ITGAD: variants seen among roughly 807,000 people sequenced by gnomAD.
ITGAD encodes the protein integrin alpha-D.
ITGAD carries 105 observed loss-of-function variants against 139.0 expected under a neutral mutation model. That is an observed-to-expected ratio of 0.76 (90% confidence interval 0.65 to 0.89). The LOEUF is 0.89. Ranked by LOEUF, ITGAD falls within the 40% of genes least tolerant of loss-of-function variation. The probability of loss-of-function intolerance (pLI) is 0.00; values close to 1 mark genes in which losing one functional copy is unlikely to be tolerated. For synonymous variants in ITGAD, 569 were observed against 598.3 expected (o/e 0.95, Z 0.71); for missense variants, 1,384 against 1,487.3 (o/e 0.93, Z 1.14).
intron 5 of ITGAD, among the ~76,000 whole-genome samples, chr16:31,400,695 C>T (rs2081381766): frequency 6.6e-6 from 1 of 152,142 alleles, no homozygotes; most frequent in Admixed American, 6.5e-5. Context: ...GCCTCCACCT[C>T]CCAGGTTCAA....
At chr16:31,394,110 A>C (rs2081203904) in intron 1 of ITGAD, 126 bp from the exon 2 acceptor site, 1 of 561,332 alleles carries the variant, frequency 1.8e-6, no homozygotes, top group Non-Finnish European at 3.1e-6. Flanking sequence ...CAGCCTCAGC[A>C]ACAGAGCGAG....
intron 2 of ITGAD, among the ~76,000 whole-genome samples, chr16:31,394,561 C>A (rs2081220112): frequency 1.3e-5 from 2 of 152,214 alleles, no homozygotes; most frequent in Non-Finnish European, 2.9e-5. Context: ...GGGAGGGAAG[C>A]CTTGAACCTG....
chr16:31,407,545 C>T lies in ITGAD; in HGVS notation c.735C>T (p.Ala245=), dbSNP rs1391736314. The T allele has an allele frequency of 6.2e-7, 1 of 1,604,404 alleles. No individual in the cohort carries two copies. Among genetic ancestry groups the T allele is most frequent in the South Asian group, 1.1e-5 (1 of 90,144 alleles). Residue 245 remains alanine (A), a synonymous_variant, in exon 8 of 30, where the codon GCC becomes GCT. Coordinates refer to ENST00000389202, the MANE Select transcript of ITGAD (RefSeq NM_005353.3). The part of the protein sequence containing the change: ...VTQLFHHKNG[A]RKSAKKILIV... ...AGCTATTTCATCATAAGAATGGGGC[C>T]CGAAAAAGTGCCAAGAAGATCCTCA...
intron 23 of ITGAD, among the ~76,000 whole-genome samples, chr16:31,418,972 C>T (rs563440257): frequency 1.7e-3 from 232 of 138,410 alleles, no homozygotes; most frequent in African/African-American, 6.0e-3. Context: ...TGCAGTGAGC[C>T]GAGATCATGC....
chr16:31,416,169 G>C, intron 18 of ITGAD, 44 bp from the exon 19 acceptor site: 1 of 1,490,494 alleles, frequency 6.7e-7, no homozygotes, highest in Non-Finnish European at 9.2e-7. Context: ...CTTGGAGAAA[G>C]ACTAAGATGT....
chr16:31,418,370 A>G lies in ITGAD; in HGVS notation c.2686A>G (p.Ser896Gly). 6.2e-7 allele frequency: 1 copy of G among 1,614,084 alleles called. No individual in the cohort carries two copies. Among genetic ancestry groups the G allele is most frequent in the South Asian group, 1.1e-5 (1 of 91,088 alleles). The change falls in exon 22 of 30, where the codon AGT becomes GGT. Residue 896 changes from serine to glycine, a missense_variant. By Grantham distance (56) the Ser-to-Gly change is moderately conservative. Coordinates refer to ENST00000389202, the MANE Select transcript of ITGAD (RefSeq NM_005353.3). ...TLGDRMLMRA[S>G]ASSENNKASS... ...GGGAGACAGGATGCTTATGAGGGCC[A>G]GTGCAAGCAGGTGGGTCCAGGCCAG...
Position 31,397,887 on chromosome 16 carries a change from G to A in ITGAD, c.405G>A (p.Gln135=). The A allele has an allele frequency of 6.2e-7, 1 of 1,612,906 alleles. No homozygotes were observed. The highest frequency in any genetic ancestry group is 8.5e-7 in the Non-Finnish European group (1 of 1,179,620). ...TGGGCTCGCGCTGGGAGATCATCCA[G>A]ACAGTCCCCGACGCCACGCCAGGTA... ...LLLGSRWEII[Q]TVPDATPECP... is the part of the protein sequence containing the mutation. Residue 135 remains glutamine, a synonymous_variant, in exon 5 of 30, where the codon CAG becomes CAA. Transcript: ENST00000389202.
intron 23 of ITGAD, among the ~76,000 whole-genome samples, chr16:31,420,085 A>G (rs1387024829): frequency 6.6e-6 from 1 of 152,180 alleles, no homozygotes; most frequent in African/African-American, 2.4e-5. Flanking sequence ...AAGCTGCTAC[A>G]TGGAGATCAA....
chr16:31,396,680 C>T (rs927164160), intron 2 of ITGAD, among the ~76,000 whole-genome samples: 1 of 152,216 alleles, frequency 6.6e-6, no homozygotes, highest in Non-Finnish European at 1.5e-5. Flanking sequence ...TGAAGCCTTG[C>T]TTGGCGCATT....
chr16:31,395,897 T>G (rs1437657514), intron 2 of ITGAD, among the ~76,000 whole-genome samples: 7 of 152,094 alleles, frequency 4.6e-5, no homozygotes, highest in Admixed American at 4.6e-4. Flanking sequence ...CCCTTCCTCA[T>G]GTGACTGGCA....
intron 2 of ITGAD, 72 bp from the exon 3 acceptor site, chr16:31,397,287 C>T: frequency 1.0e-6 from 1 of 994,070 alleles, no homozygotes; most frequent in South Asian, 1.5e-5. Context: ...AGGGACACTT[C>T]CTCACCCCCA....
intron 7 of ITGAD, among the ~76,000 whole-genome samples, chr16:31,406,068 GTTACTT>G (rs1008780982): frequency 6.6e-6 from 1 of 150,390 alleles, no homozygotes; most frequent in African/African-American, 2.4e-5. Flanking sequence ...TGAGCAGGTA[GTTACTT>G]TTTTTTTTCT....
rs1205569941 is a variant in ITGAD, at chr16:31,397,669, G to A, written c.312+3G>A. The stretch of plus-strand genomic sequence containing the variant: ...CCACCAACGGCTCCCGGCTCCTGGT[G>A]AGTGAGTGTCTTGGGCCACGGGGGG... On this transcript the variant is annotated splice_donor_region_variant and intron_variant, in intron 4 of 29. Transcript: ENST00000389202. The A allele has an allele frequency of 6.6e-7, 1 of 1,517,394 alleles. No homozygotes were observed. Among genetic ancestry groups the A allele is most frequent in the Non-Finnish European group, 9.0e-7 (1 of 1,110,994 alleles). 94.0% of individuals were successfully genotyped at this position (1,517,394 alleles called of 1,614,324 possible).
In ITGAD at chr16:31,426,345, C is replaced by T; in HGVS notation, c.*217C>T. 2.0e-6 allele frequency: 1 copy of T among 495,780 alleles called. No homozygotes were observed. The highest frequency in any genetic ancestry group is 3.5e-5 in the East Asian group (1 of 28,420). 30.7% of individuals were successfully genotyped at this position (495,780 alleles called of 1,614,324 possible). ...ACTTTTTACAGAAGCAGGCATGGTG[C>T]CAGCATAAATTTTCATATGCTTAAG... is the stretch of plus-strand genomic sequence containing the variant. On this transcript the variant is annotated 3_prime_UTR_variant, in exon 30 of 30. Coordinates refer to ENST00000389202, the MANE Select transcript of ITGAD (RefSeq NM_005353.3).
At chr16:31,410,907 G>A (rs1423357485) in intron 12 of ITGAD, 29 bp downstream of exon 12, 2 of 1,263,956 alleles carry the variant, frequency 1.6e-6, no homozygotes, top group Non-Finnish European at 1.1e-6. Context: ...CAGAGGGGAG[G>A]ATGAGGGTGG....
intron 5 of ITGAD, 79 bp from the exon 6 acceptor site, chr16:31,402,036 C>T (rs1225452322): frequency 5.0e-5 from 75 of 1,511,138 alleles, no homozygotes; most frequent in Middle Eastern, 4.0e-4. Context: ...GAACAGCCCC[C>T]GGGCTCTGTT....
rs368360299 is a variant in ITGAD at position 31,424,533 on chromosome 16, G to C, written c.3328G>C (p.Gly1110Arg). The part of the protein sequence containing the change: ...AIPIIMGSSV[G>R]ALLLLALITA... ...TCCCATCATCATGGGCAGCTCTGTG[G>C]GGGCTCTGCTACTGCTGGCGCTCAT... The change falls in exon 29 of 30, where the codon GGG becomes CGG. Residue 1110 changes from glycine to arginine, a missense_variant. Transcript: ENST00000389202. The C allele has an allele frequency of 1.6e-5, 26 of 1,613,910 alleles. No individual in the cohort carries two copies. The highest frequency in any genetic ancestry group is 8.3e-5 in the Admixed American group (5 of 59,988).
chr16:31,410,822 A>G lies in ITGAD; in HGVS notation c.1300A>G (p.Ile434Val), dbSNP rs756007591. Residue 434 changes from isoleucine (I) to valine (V), a missense_variant, in exon 12 of 30, where the codon ATC (isoleucine) becomes GTC (valine). Transcript: ENST00000389202. ...PRYQHTGKAVIFTQVSRQWRK... is the reference protein window; with the variant it reads ...PRYQHTGKAVVFTQVSRQWRK... ...CTACCAGCATACCGGGAAGGCTGTC[A>G]TCTTCACCCAGGTGTCCAGGCAATG... The G allele has an allele frequency of 2.4e-5, 39 of 1,613,622 alleles. No homozygotes were observed. The South Asian group carries it at 2.5e-4, about 10-fold the overall frequency.
rs139900506 is a variant in ITGAD, at chr16:31,416,595, C to G, written c.2448C>G (p.Val816=). 31 of 1,613,870 alleles carry G rather than the reference C, an allele frequency of 1.9e-5. No individual in the cohort carries two copies. In the African/African-American group the frequency reaches 2.3e-4, roughly 12 times the overall value. ...GTGAGGATTCCTACGGAACCGTGGTCAGCCTCTACTATCCAGCAGGGCTGT... is the reference window on the plus strand; with the variant it reads ...GTGAGGATTCCTACGGAACCGTGGTGAGCCTCTACTATCCAGCAGGGCTGT... ...NAGEDSYGTV[V]SLYYPAGLSH... is the part of the protein sequence containing the mutation. Residue 816 remains valine, a synonymous_variant, in exon 20 of 30, where the codon GTC becomes GTG. Transcript: ENST00000389202.
Sources: gnomAD v4.1 joint callset for allele counts (sites outside exome capture counted in the v4.1 genomes callset) on GRCh38, gnomAD v4.1.1 for gene constraint, MANE v1.5 for transcripts, NCBI Gene and HGNC (gene_info 2026-07-23, HGNC 2026-07-21) for gene names.